The following INTS15 variants were observed in gnomAD, a reference collection of about 807,000 sequenced individuals.
INTS15 encodes the protein uncharacterized protein C7orf26.
the INTS15 span, among the ~76,000 whole-genome samples, chr7:6,607,226 T>G: frequency 6.6e-6 from 1 of 152,042 alleles, no homozygotes; most frequent in South Asian, 2.1e-4. This position sits in a 1 kb window ranked among gnomAD's most constrained non-coding sequence, Gnocchi z 6.0. Flanking sequence ...CCACGTTGAA[T>G]TTGCTGGGAG....
chr7:6,591,750 C>T, the INTS15 span: 3 of 1,614,148 alleles, frequency 1.9e-6, no homozygotes, highest in African/African-American at 1.3e-5. Context: ...CATCCCTTTT[C>T]AGCCCTCAAG....
chr7:6,608,394 ATTT>A, the INTS15 span: 1 of 1,396,734 alleles, frequency 7.2e-7, no homozygotes, highest in East Asian at 2.7e-5. Context: ...TGCTGCGTGC[ATTT>A]TTAAAAGATG....
the INTS15 span, among the ~76,000 whole-genome samples, chr7:6,593,097 A>G: frequency 6.6e-6 from 1 of 152,150 alleles, no homozygotes; most frequent in Non-Finnish European, 1.5e-5. Context: ...GGCAGAAATG[A>G]TGTTTCCTAA....
the INTS15 span, among the ~76,000 whole-genome samples, chr7:6,604,647 G>T: frequency 6.6e-6 from 1 of 152,216 alleles, no homozygotes; most frequent in Non-Finnish European, 1.5e-5. Flanking sequence ...GCCGTGTCAG[G>T]TCCAGCAGCA....
the INTS15 span, chr7:6,591,551 AC>A: frequency 7.9e-6 from 9 of 1,134,874 alleles, no homozygotes; most frequent in African/African-American, 1.4e-4. Context: ...GGCATGAGCC[AC>A]CGCGCCCAGT....
At chr7:6,598,788 T>TGTGTA in the INTS15 span, among the ~76,000 whole-genome samples, 8 of 39,198 alleles carry the variant, frequency 2.0e-4, no homozygotes, top group East Asian at 1.2e-3. Flanking sequence ...TGTGTGTGTA[T>TGTGTA]TTTTTTTTTT....
the INTS15 span, among the ~76,000 whole-genome samples, chr7:6,597,300 T>G: frequency 7.0e-6 from 1 of 142,088 alleles, no homozygotes; most frequent in Non-Finnish European, 1.5e-5. Flanking sequence ...GGCTTTTTGG[T>G]TTTTTTTTTT....
At chr7:6,605,725 G>GTC in the INTS15 span, among the ~76,000 whole-genome samples, 3 of 152,102 alleles carry the variant, frequency 2.0e-5, no homozygotes, top group Non-Finnish European at 1.5e-5. Flanking sequence ...TTGAGACAGA[G>GTC]TCTCGCTCTG....
chr7:6,590,258 GGCGCGGGGGCCGCGGCGGCC>G, the INTS15 span: 5 of 1,483,440 alleles, frequency 3.4e-6, no homozygotes, highest in Non-Finnish European at 8.9e-7. Context: ...AGACGCGCTC[GGCGCGGGGGCCGCGGCGGCC>G]GCACCATGAG....
At chr7:6,608,583 C>T in the INTS15 span, 2 of 1,031,584 alleles carry the variant, frequency 1.9e-6, no homozygotes, top group South Asian at 2.7e-5. Context: ...TGAGCCCAGG[C>T]TGCGTAGTGA....
chr7:6,596,376 C>CTTTTTTT, the INTS15 span, among the ~76,000 whole-genome samples: 4 of 107,912 alleles, frequency 3.7e-5, no homozygotes, highest in Non-Finnish European at 5.6e-5. Flanking sequence ...ATCTGTCACC[C>CTTTTTTT]TTTTTTTTTT....
the INTS15 span, among the ~76,000 whole-genome samples, chr7:6,599,085 A>G: frequency 6.6e-6 from 1 of 152,034 alleles, no homozygotes; most frequent in African/African-American, 2.4e-5. Flanking sequence ...TGGGCCATAT[A>G]CTTTCGACGA....
chr7:6,591,961 C>T, the INTS15 span: 3 of 1,170,884 alleles, frequency 2.6e-6, no homozygotes, highest in Non-Finnish European at 3.7e-6. Context: ...CACTTGAGGT[C>T]AGGGGTTCAA....
chr7:6,606,174 C>A, the INTS15 span, among the ~76,000 whole-genome samples: 7 of 152,148 alleles, frequency 4.6e-5, no homozygotes, highest in African/African-American at 1.7e-4. Context: ...TAATCTCTTG[C>A]TAAGTTACTT....
the INTS15 span, chr7:6,590,366 TCAG>T: frequency 5.0e-6 from 8 of 1,607,184 alleles, no homozygotes; most frequent in Admixed American, 3.4e-5. Flanking sequence ...GACATCTACT[TCAG>T]CAGCCAGCTG....
At chr7:6,607,869 G>C in the INTS15 span, 1 of 1,552,270 alleles carries the variant, frequency 6.4e-7, no homozygotes, top group Non-Finnish European at 8.6e-7. This position sits in a 1 kb window ranked among gnomAD's most constrained non-coding sequence, Gnocchi z 6.0. Context: ...CCTCTCCTGG[G>C]CGGGGTGCGG....
At chr7:6,590,984 G>A in the INTS15 span, among the ~76,000 whole-genome samples, 2 of 151,614 alleles carry the variant, frequency 1.3e-5, no homozygotes, top group East Asian at 1.9e-4. Flanking sequence ...GACTCCAGGC[G>A]TGCACCACCA....
chr7:6,599,353 T>C, the INTS15 span, among the ~76,000 whole-genome samples: 3 of 151,976 alleles, frequency 2.0e-5, no homozygotes, highest in African/African-American at 7.2e-5. Context: ...GGGACGGCCC[T>C]TGGCAGCAGC....
chr7:6,595,468 A>G, the INTS15 span, among the ~76,000 whole-genome samples: 1 of 152,044 alleles, frequency 6.6e-6, no homozygotes, highest in Non-Finnish European at 1.5e-5. Flanking sequence ...CCAGCCTGAA[A>G]TGTGTGTTTT....
Sources: allele counts gnomAD v4.1 joint callset (sites outside exome capture counted in the v4.1 genomes callset), GRCh38; gene constraint gnomAD v4.1.1; non-coding constraint Gnocchi (gnomAD v3.1); transcripts MANE v1.5; gene names NCBI Gene and HGNC (gene_info 2026-07-23, HGNC 2026-07-21).